Variants in KIAA1217 observed in about 807,000 individuals in gnomAD.
KIAA1217 encodes KIAA1217, also known as sickle tail protein homolog.
In KIAA1217, 88 loss-of-function variants were observed where a neutral mutation model predicts 163.9. That is an observed-to-expected ratio of 0.54 (90% CI 0.45 to 0.64). KIAA1217 has a LOEUF of 0.64. Among genes scored for constraint, KIAA1217 ranks in the 30% least tolerant of loss-of-function variants. The pLI, the probability that KIAA1217 is intolerant of heterozygous loss-of-function variation, is 0.00. For synonymous variants in KIAA1217, 903 were observed against 923.1 expected, an observed-to-expected ratio of 0.98 and a Z score of 0.39; for missense variants, 2,372 against 2,475.0, an observed-to-expected ratio of 0.96 and a Z score of 0.88.
chr10:24,501,322 C>A, intron 8 of KIAA1217, 57 bp from the exon 9 acceptor site: 1 of 1,523,394 alleles, frequency 6.6e-7, no homozygotes, highest in Non-Finnish European at 9.0e-7. Flanking sequence ...GGATGGGATG[C>A]ATAGCTTAGA....
At chr10:23,708,551 T>G (rs1837033763) in intron 1 of KIAA1217, among the ~76,000 whole-genome samples, 1 of 152,128 alleles carries the variant, frequency 6.6e-6, no homozygotes, top group Non-Finnish European at 1.5e-5. Context: ...AGCTGAGCTC[T>G]GAAGGACAGG....
intron 2 of KIAA1217, among the ~76,000 whole-genome samples, chr10:24,095,486 T>A (rs1444790669): frequency 6.6e-6 from 1 of 152,100 alleles, no homozygotes; most frequent in Non-Finnish European, 1.5e-5. Flanking sequence ...GAACACACCT[T>A]CTTCTCTTAA....
intron 16 of KIAA1217, among the ~76,000 whole-genome samples, chr10:24,533,816 A>G (rs995486518): frequency 6.6e-6 from 1 of 152,118 alleles, no homozygotes. Flanking sequence ...TTAGATATTT[A>G]TTTTTTAACT....
intron 1 of KIAA1217, among the ~76,000 whole-genome samples, chr10:23,924,500 G>A (rs1842954415): frequency 6.6e-6 from 1 of 152,190 alleles, no homozygotes; most frequent in Admixed American, 6.5e-5. Context: ...CAAAATGAGA[G>A]CAGTAGAGTC....
At chr10:23,999,218 T>A (rs902921826) in intron 1 of KIAA1217, among the ~76,000 whole-genome samples, 1 of 152,322 alleles carries the variant, frequency 6.6e-6, no homozygotes, top group East Asian at 1.9e-4. Context: ...GTTGGTTGAT[T>A]TGAATTAGGA....
At chr10:24,202,689 GA>G (rs2067328526) in intron 2 of KIAA1217, among the ~76,000 whole-genome samples, 1 of 152,116 alleles carries the variant, frequency 6.6e-6, no homozygotes, top group Non-Finnish European at 1.5e-5. Flanking sequence ...CATCCTCCTG[GA>G]AGCCCTGCCC....
chr10:24,325,896 A>T (rs2044814788), intron 2 of KIAA1217, among the ~76,000 whole-genome samples: 1 of 152,206 alleles, frequency 6.6e-6, no homozygotes, highest in South Asian at 2.1e-4. Flanking sequence ...GAATACTTCA[A>T]TGACTTTGTA....
intron 3 of KIAA1217, among the ~76,000 whole-genome samples, chr10:24,401,888 G>A (rs1441243257): frequency 1.3e-5 from 2 of 152,126 alleles, no homozygotes; most frequent in Non-Finnish European, 2.9e-5. Flanking sequence ...AAAATCTATT[G>A]CATTTCTATA....
At chr10:24,369,549 C>T (rs764090205) in intron 2 of KIAA1217, among the ~76,000 whole-genome samples, 7 of 152,214 alleles carry the variant, frequency 4.6e-5, no homozygotes, top group Non-Finnish European at 8.8e-5. Context: ...TTTAGGGGTA[C>T]GATTCCGTGG....
chr10:24,523,289 T>C (rs2071582098), intron 12 of KIAA1217, among the ~76,000 whole-genome samples: 1 of 152,154 alleles, frequency 6.6e-6, no homozygotes, highest in African/African-American at 2.4e-5. Context: ...GCCACTGCAC[T>C]CCAGCCTGGG....
intron 1 of KIAA1217, among the ~76,000 whole-genome samples, chr10:23,929,457 C>T (rs995267224): frequency 6.6e-6 from 1 of 152,076 alleles, no homozygotes; most frequent in Non-Finnish European, 1.5e-5. Flanking sequence ...AATACTTGCT[C>T]ACTTCCCTCC....
chr10:23,904,518 C>T (rs1251886368), intron 1 of KIAA1217, among the ~76,000 whole-genome samples: 1 of 152,116 alleles, frequency 6.6e-6, no homozygotes, highest in East Asian at 1.9e-4. Context: ...AATTTTAGAA[C>T]ATCAGTTGGA....
intron 2 of KIAA1217, among the ~76,000 whole-genome samples, chr10:24,062,887 C>G (rs1393105639): frequency 1.3e-5 from 2 of 150,654 alleles, no homozygotes; most frequent in Admixed American, 1.3e-4. Context: ...CTGTGATGGC[C>G]AGTGATGATG....
intron 9 of KIAA1217, among the ~76,000 whole-genome samples, 187 bp downstream of exon 9, chr10:24,501,732 T>C (rs911469908): frequency 7.7e-5 from 2 of 25,938 alleles, no homozygotes; most frequent in African/African-American, 3.4e-4. Context: ...ACCACTTCTT[T>C]TTTTTTTTTT....
At chr10:24,304,438 C>T (rs868687561) in intron 2 of KIAA1217, among the ~76,000 whole-genome samples, 1 of 152,076 alleles carries the variant, frequency 6.6e-6, no homozygotes, top group African/African-American at 2.4e-5. Flanking sequence ...TTCCTGGGCT[C>T]AAGCAATCTT....
chr10:23,941,030 G>A (rs536886273), intron 1 of KIAA1217, among the ~76,000 whole-genome samples: 21 of 152,080 alleles, frequency 1.4e-4, no homozygotes, highest in Non-Finnish European at 2.4e-4. Flanking sequence ...GTCTGCAGGC[G>A]CCTGCAGAGA....
chr10:24,388,567 A>G (rs1174193350), intron 3 of KIAA1217, among the ~76,000 whole-genome samples: 1 of 152,192 alleles, frequency 6.6e-6, no homozygotes, highest in Non-Finnish European at 1.5e-5. Flanking sequence ...ATGGGATCTA[A>G]TTAAACTAAA....
intron 2 of KIAA1217, among the ~76,000 whole-genome samples, chr10:24,279,004 G>A (rs2077606215): frequency 1.3e-5 from 2 of 151,678 alleles, no homozygotes; most frequent in Admixed American, 1.3e-4. Context: ...TTACAGTCAC[G>A]GGCCACCACT....
intron 1 of KIAA1217, among the ~76,000 whole-genome samples, chr10:23,837,370 G>A (rs1185976456): frequency 1.3e-5 from 2 of 152,110 alleles, no homozygotes; most frequent in African/African-American, 4.8e-5. Flanking sequence ...CTTCCCGGAT[G>A]ACTTCAATGT....
Sources: allele counts gnomAD v4.1 joint callset (sites outside exome capture counted in the v4.1 genomes callset), GRCh38; gene constraint gnomAD v4.1.1; transcripts MANE v1.5; gene names NCBI Gene and HGNC (gene_info 2026-07-23, HGNC 2026-07-21).